The following RBFOX1 variants were observed in gnomAD, a reference collection of about 807,000 sequenced individuals.
The protein encoded by RBFOX1 is RNA binding fox-1 homolog 1, also known as RNA binding protein fox-1 homolog 1.
Under a neutral mutation model 57.7 loss-of-function variants are expected in RBFOX1, and 8 were observed. That is an observed-to-expected ratio of 0.14 (90% CI 0.08 to 0.25). The LOEUF is 0.25. Ranked by LOEUF, RBFOX1 falls within the 10% of genes least tolerant of loss-of-function variation. The pLI is 1.00. For synonymous variants in RBFOX1, 326 were observed against 222.4 expected (o/e 1.47, Z -4.15); for missense variants, 611 against 548.5 (o/e 1.11, Z -1.14).
intron 1 of RBFOX1, among the ~76,000 whole-genome samples, chr16:5,268,134 A>T (rs936266035): frequency 7.2e-5 from 11 of 152,082 alleles, no homozygotes; most frequent in African/African-American, 2.7e-4. Context: ...CTCTAACACA[A>T]ATTTGGTAAG....
chr16:6,988,731 ATTTT>A (rs111959126), intron 3 of RBFOX1, among the ~76,000 whole-genome samples: 1 of 91,302 alleles, frequency 1.1e-5, no homozygotes, highest in Non-Finnish European at 2.0e-5. Flanking sequence ...CACCCAGCTA[ATTTT>A]TTTTTTTGTT....
At chr16:6,532,149 G>A (rs1319341240) in intron 2 of RBFOX1, among the ~76,000 whole-genome samples, 1 of 152,094 alleles carries the variant, frequency 6.6e-6, no homozygotes, top group Non-Finnish European at 1.5e-5. Context: ...GCTCACCCTG[G>A]CTGGGAGAGC....
At position 6,112,533 on chromosome 16, in the gene RBFOX1, A is replaced by C. The variant is rs139452414; in HGVS notation, c.-127+92541A>C. On this transcript the variant is annotated intron_variant, in intron 1 of 15. Coordinates refer to ENST00000550418, the MANE Select transcript of RBFOX1 (RefSeq NM_018723.4). ...TGGAGAAACCCCGTCTCTACTAAAA[A>C]TACAAAAGTTAGCTGTGCATGGTGG... 2.4e-3 allele frequency among the ~76,000 whole-genome samples: 364 copies of C among 152,278 alleles called. 4 individuals are homozygous for C. The highest frequency in any genetic ancestry group is 8.0e-3 in the African/African-American group (333 of 41,554).
chr16:7,452,392 C>G (rs1045112750), intron 4 of RBFOX1, among the ~76,000 whole-genome samples: 11 of 152,140 alleles, frequency 7.2e-5, no homozygotes, highest in Non-Finnish European at 1.2e-4. Context: ...TGGTGCATCC[C>G]CCACCTGCCT....
chr16:5,643,296 A>G (rs2048941109), intron 3 of RBFOX1, among the ~76,000 whole-genome samples: 1 of 152,006 alleles, frequency 6.6e-6, no homozygotes, highest in Non-Finnish European at 1.5e-5. Context: ...GCTGTCCTTG[A>G]TTATCGTTTT....
intron 4 of RBFOX1, among the ~76,000 whole-genome samples, chr16:7,080,697 G>GT (rs1184399682): frequency 6.6e-5 from 10 of 152,100 alleles, no homozygotes; most frequent in Non-Finnish European, 1.5e-4. Flanking sequence ...TGAACCCTGG[G>GT]TGTTAGGGTA....
intron 6 of RBFOX1, 56 bp downstream of exon 6, chr16:7,579,976 C>T (rs1433930940): frequency 1.8e-5 from 28 of 1,573,590 alleles, no homozygotes; most frequent in Non-Finnish European, 2.4e-5. Context: ...AGAGACCTCC[C>T]TGTCTCATGT....
chr16:6,466,958 T>C (rs1220508285), intron 2 of RBFOX1, among the ~76,000 whole-genome samples: 1 of 151,832 alleles, frequency 6.6e-6, no homozygotes, highest in Non-Finnish European at 1.5e-5. Flanking sequence ...TATAATTTAA[T>C]AATTTGTATT....
intron 4 of RBFOX1, chr16:7,328,723 G>A (rs1207950422): frequency 6.6e-6 from 1 of 151,792 alleles, no homozygotes; most frequent in African/African-American, 2.4e-5. Flanking sequence ...CTGGCACAGG[G>A]AAAATGAGCA....
intron 3 of RBFOX1, among the ~76,000 whole-genome samples, chr16:6,660,849 G>A (rs1029968): frequency 1.3e-5 from 2 of 151,960 alleles, no homozygotes; most frequent in Non-Finnish European, 2.9e-5. Context: ...CCTGGAAAGT[G>A]TTAGGGGATC....
chr16:7,621,070 G>A (rs1021612602), intron 10 of RBFOX1, among the ~76,000 whole-genome samples: 2 of 152,168 alleles, frequency 1.3e-5, no homozygotes, highest in African/African-American at 4.8e-5. Flanking sequence ...ATAAGAATCT[G>A]CATTTAGAAG....
intron 2 of RBFOX1, among the ~76,000 whole-genome samples, chr16:6,635,581 G>A (rs981816341): frequency 2.0e-5 from 3 of 152,110 alleles, no homozygotes; most frequent in Admixed American, 2.0e-4. Context: ...TAAAAAGGTT[G>A]ACAGGGAGCA....
In RBFOX1 at chr16:7,711,918, A is replaced by C. The variant is rs2084054804; in HGVS notation, c.*1173A>C. 6.6e-6 allele frequency: 1 copy of C among 152,564 alleles called. No homozygotes were observed. The highest frequency in any genetic ancestry group is 1.5e-5 in the Non-Finnish European group (1 of 68,030). The allele number at this position is 152,564 out of a possible 1,614,324, so 9.5% of individuals were successfully genotyped here. ...TTGTGTGAACAATCTGCAATTTTTCAGTCCGTGAGATCCTGCCCTTCCACC... is the reference window on the plus strand; with the variant it reads ...TTGTGTGAACAATCTGCAATTTTTCCGTCCGTGAGATCCTGCCCTTCCACC... On this transcript the variant is annotated 3_prime_UTR_variant, in exon 16 of 16. Coordinates refer to ENST00000550418, the MANE Select transcript of RBFOX1 (RefSeq NM_018723.4).
At chr16:5,764,616 A>T (rs2053712297) in intron 3 of RBFOX1, among the ~76,000 whole-genome samples, 1 of 152,142 alleles carries the variant, frequency 6.6e-6, no homozygotes, top group Non-Finnish European at 1.5e-5. Context: ...TTGCATGCTG[A>T]GACCTGGTAA....
intron 4 of RBFOX1, among the ~76,000 whole-genome samples, chr16:5,924,736 C>A (rs2058906089): frequency 6.6e-6 from 1 of 152,174 alleles, no homozygotes; most frequent in Non-Finnish European, 1.5e-5. Flanking sequence ...TCTAAGACAC[C>A]TACCTTTCCA....
intron 4 of RBFOX1, among the ~76,000 whole-genome samples, chr16:7,205,726 G>A (rs2089826310): frequency 6.6e-6 from 1 of 152,216 alleles, no homozygotes; most frequent in African/African-American, 2.4e-5. Context: ...GTGATGGGCA[G>A]AAAGAAAACG....
At chr16:6,720,168 G>A (rs1170391314) in intron 3 of RBFOX1, among the ~76,000 whole-genome samples, 1 of 152,064 alleles carries the variant, frequency 6.6e-6, no homozygotes, top group Non-Finnish European at 1.5e-5. Context: ...ATCTGACACA[G>A]GGTAAGGATT....
intron 2 of RBFOX1, among the ~76,000 whole-genome samples, chr16:6,523,632 A>G (rs1281833578): frequency 3.3e-5 from 5 of 152,182 alleles, no homozygotes; most frequent in Non-Finnish European, 7.3e-5. Context: ...TCAAGATTTT[A>G]TCCAATCTTC....
intron 2 of RBFOX1, among the ~76,000 whole-genome samples, chr16:6,404,230 A>G (rs2093190639): frequency 6.6e-6 from 1 of 152,192 alleles, no homozygotes; most frequent in South Asian, 2.1e-4. Flanking sequence ...TAGCATTTGC[A>G]TTTGTATTAA....
Sources: allele counts gnomAD v4.1 joint callset (sites outside exome capture counted in the v4.1 genomes callset), GRCh38; gene constraint gnomAD v4.1.1; transcripts MANE v1.5; gene names NCBI Gene and HGNC (gene_info 2026-07-23, HGNC 2026-07-21).